Variants in TNNI3K observed in about 807,000 individuals in gnomAD.
TNNI3K encodes serine/threonine-protein kinase TNNI3K.
In TNNI3K, 140 loss-of-function variants were observed where a neutral mutation model predicts 114.5. The observed-to-expected ratio is 1.22, with a 90% CI of 1.07 to 1.41. TNNI3K has a LOEUF of 1.41. TNNI3K is among the 40% of genes most tolerant of loss of function. The pLI is 0.00. For missense variants in TNNI3K, 1,125 were observed against 1,007.6 expected, an observed-to-expected ratio of 1.12 and a Z score of -1.58; for synonymous variants, 347 against 347.5, an observed-to-expected ratio of 1.00 and a Z score of 0.02.
At chr1:74,417,785 T>G (rs1665201681) in intron 17 of TNNI3K, among the ~76,000 whole-genome samples, 1 of 151,516 alleles carries the variant, frequency 6.6e-6, no homozygotes, top group Admixed American at 6.6e-5. Context: ...AGGAAGGAAG[T>G]AAATATCTCA....
chr1:74,541,600 T>TC (rs1378646878), intron 24 of TNNI3K: 1 of 152,236 alleles, frequency 6.6e-6, no homozygotes, highest in Non-Finnish European at 1.5e-5. Flanking sequence ...CCAGAAGTCT[T>TC]CCCTTTTGTG....
At chr1:74,463,197 C>T (rs900681384) in intron 20 of TNNI3K, among the ~76,000 whole-genome samples, 7 of 152,204 alleles carry the variant, frequency 4.6e-5, no homozygotes, top group Admixed American at 4.6e-4. Flanking sequence ...TATTCCTTCA[C>T]TCCTTATAAA....
intron 20 of TNNI3K, among the ~76,000 whole-genome samples, chr1:74,455,007 G>A (rs1667173156): frequency 6.6e-6 from 1 of 152,114 alleles, no homozygotes; most frequent in South Asian, 2.1e-4. Context: ...CCACCACTGA[G>A]TTCTTTCTTT....
At chr1:74,324,888 T>C (rs183645099) in intron 5 of TNNI3K, among the ~76,000 whole-genome samples, 4 of 152,126 alleles carry the variant, frequency 2.6e-5, no homozygotes, top group Non-Finnish European at 4.4e-5. Context: ...TTGTGCTAGG[T>C]GTGAGCATCA....
intron 5 of TNNI3K, among the ~76,000 whole-genome samples, chr1:74,289,665 G>A (rs971461618): frequency 2.6e-5 from 4 of 151,880 alleles, no homozygotes; most frequent in African/African-American, 7.2e-5. Context: ...GAAATACTTC[G>A]AAATACTGCT....
intron 21 of TNNI3K, among the ~76,000 whole-genome samples, chr1:74,481,833 G>A (rs1037058249): frequency 2.0e-5 from 3 of 152,176 alleles, no homozygotes; most frequent in Non-Finnish European, 4.4e-5. Context: ...GTGTCATAAG[G>A]ATAGAGGAGT....
At chr1:74,311,887 A>T (rs1659015712) in intron 5 of TNNI3K, among the ~76,000 whole-genome samples, 1 of 152,138 alleles carries the variant, frequency 6.6e-6, no homozygotes, top group African/African-American at 2.4e-5. Context: ...ACTTTATAAC[A>T]TTCTGGCCTA....
In TNNI3K at chr1:74,492,139, C is replaced by CCTT. The variant is rs746146240; in HGVS notation, c.2236_2238dup (p.Ser746dup). 1 of 1,611,948 alleles carries CCTT rather than the reference C, an allele frequency of 6.2e-7. No homozygotes were observed. The highest frequency in any genetic ancestry group is 8.5e-7 in the Non-Finnish European group (1 of 1,178,534). On this transcript the variant is annotated inframe_insertion, in exon 23 of 25. Transcript: ENST00000326637. ...AAGTAACAGCAGTGGGTCTCTCTCA[C>CCTT]CTTCTTCTTCTTCTGATTGCCTGGT...
chr1:74,465,372 C>T (rs761464737), intron 21 of TNNI3K, among the ~76,000 whole-genome samples: 2 of 152,232 alleles, frequency 1.3e-5, no homozygotes, highest in Non-Finnish European at 2.9e-5. Context: ...CGGTGGGCGC[C>T]ACTCCAGGCA....
intron 17 of TNNI3K, among the ~76,000 whole-genome samples, chr1:74,379,352 CA>C (rs35383465): frequency 1.3e-5 from 2 of 151,196 alleles, no homozygotes; most frequent in East Asian, 3.9e-4. Flanking sequence ...CACACACACA[CA>C]CTTTTTTTTC....
At chr1:74,275,790 C>A (rs1335151802) in intron 5 of TNNI3K, among the ~76,000 whole-genome samples, 1 of 151,968 alleles carries the variant, frequency 6.6e-6, no homozygotes, top group East Asian at 1.9e-4. Context: ...ATGCAAGAAG[C>A]AATTACTGTG....
intron 17 of TNNI3K, among the ~76,000 whole-genome samples, chr1:74,390,439 C>T (rs1240077317): frequency 6.6e-6 from 1 of 152,116 alleles, no homozygotes. Context: ...CAGTATTTAA[C>T]TCTGAAATGT....
intron 20 of TNNI3K, among the ~76,000 whole-genome samples, chr1:74,458,367 G>A (rs544945207): frequency 6.6e-5 from 10 of 152,248 alleles, no homozygotes; most frequent in African/African-American, 2.4e-4. Flanking sequence ...ATCTCCCAGA[G>A]AGTTTACAGC....
intron 23 of TNNI3K, among the ~76,000 whole-genome samples, chr1:74,508,214 A>T (rs1165523588): frequency 6.6e-6 from 1 of 152,262 alleles, no homozygotes; most frequent in African/African-American, 2.4e-5. Flanking sequence ...CCAACATGGC[A>T]CATGTATACA....
At chr1:74,426,516 C>T (rs1003205032) in intron 17 of TNNI3K, among the ~76,000 whole-genome samples, 6 of 151,980 alleles carry the variant, frequency 3.9e-5, no homozygotes, top group Admixed American at 2.6e-4. Context: ...TGTACACCTA[C>T]GCCAGGGTCT....
chr1:74,456,355 A>G lies in TNNI3K; in HGVS notation c.2012-7086A>G, dbSNP rs555757282. Among the ~76,000 whole-genome samples the G allele has an allele frequency of 8.5e-5, 13 of 152,284 alleles. No individual in the cohort carries two copies. The South Asian group carries it at 2.7e-3, about 32-fold the overall frequency. On this transcript the variant is annotated intron_variant, in intron 20 of 24. Coordinates refer to ENST00000326637, the MANE Select transcript of TNNI3K (RefSeq NM_015978.3). ...TATCAGATTAGGAGGAGAAGGAGCCAAGGTGTGAAGCCAAACAGATAGAGA... is the reference window on the plus strand; with the variant it reads ...TATCAGATTAGGAGGAGAAGGAGCCGAGGTGTGAAGCCAAACAGATAGAGA...
chr1:74,443,746 T>C (rs1273194157), intron 20 of TNNI3K, among the ~76,000 whole-genome samples: 1 of 152,148 alleles, frequency 6.6e-6, no homozygotes, highest in African/African-American at 2.4e-5. Flanking sequence ...TGAATATTGA[T>C]GCAAAAATTC....
chr1:74,255,013 T>C (rs1294128187), intron 4 of TNNI3K, among the ~76,000 whole-genome samples: 5 of 152,184 alleles, frequency 3.3e-5, no homozygotes, highest in African/African-American at 1.2e-4. Context: ...TCTACAGATA[T>C]CAGGATATCT....
chr1:74,256,795 A>T (rs961909761), intron 4 of TNNI3K, among the ~76,000 whole-genome samples: 1 of 152,128 alleles, frequency 6.6e-6, no homozygotes, highest in African/African-American at 2.4e-5. Flanking sequence ...TTGCATCTAT[A>T]CATGATAAGA....
Sources: gnomAD v4.1 joint callset for allele counts (sites outside exome capture counted in the v4.1 genomes callset) on GRCh38, gnomAD v4.1.1 for gene constraint, MANE v1.5 for transcripts, NCBI Gene and HGNC (gene_info 2026-07-23, HGNC 2026-07-21) for gene names.